Variants in HGFAC observed in about 807,000 individuals in gnomAD.
HGFAC encodes hepatocyte growth factor activator serine protease.
In HGFAC, 76 loss-of-function variants were observed where a neutral mutation model predicts 70.6. The ratio of observed to expected loss-of-function variants is 1.08; its 90% CI spans 0.89 to 1.30. The LOEUF is 1.30. Ranked by LOEUF, HGFAC falls within the 50% of genes most tolerant of loss-of-function variation. The probability of loss-of-function intolerance (pLI) is 0.00; values close to 1 mark genes in which losing one functional copy is unlikely to be tolerated. For synonymous variants in HGFAC, 464 were observed against 405.3 expected, an observed-to-expected ratio of 1.14 and a Z score of -1.74; for missense variants, 1,044 against 933.7, an observed-to-expected ratio of 1.12 and a Z score of -1.54.
At chr4:3,448,103 A>G (rs930916424) in intron 12 of HGFAC, 25 bp from the exon 13 acceptor site, 12 of 1,572,572 alleles carry the variant, frequency 7.6e-6, no homozygotes, top group Non-Finnish European at 1.0e-5. Context: ...TGTGGGTGTC[A>G]CGCTGAGGGC....
At position 3,447,902 on chromosome 4, in the gene HGFAC, C is replaced by T. The variant is rs1296842289; in HGVS notation, c.1503C>T (p.Ile501=). 1.2e-6 allele frequency: 2 copies of T among 1,611,300 alleles called. No individual in the cohort carries two copies. Among genetic ancestry groups the T allele is most frequent in the Non-Finnish European group, 1.7e-6 (2 of 1,179,290 alleles). Residue 501 remains isoleucine, a synonymous_variant, in exon 12 of 14, where the codon ATC becomes ATT. Coordinates refer to ENST00000382774, the MANE Select transcript of HGFAC (RefSeq NM_001528.4). Reference sequence around the variant, plus strand: ...GGCCACTCTTCTGATCAGTCCTGATCCGGCTGAAGAAGAAAGGGGACCGCT... The same window carrying T: ...GGCCACTCTTCTGATCAGTCCTGATTCGGCTGAAGAAGAAAGGGGACCGCT... ...FNPSDHDLVL[I]RLKKKGDRCA...
rs555043482 is a variant in HGFAC at position 3,445,314 on chromosome 4, G to A, written c.1066G>A (p.Ala356Thr). The change falls in exon 9 of 14, where the codon GCG becomes ACG. Residue 356 changes from alanine (A) to threonine (T), a missense_variant. By Grantham distance (58) the Ala-to-Thr change is moderately conservative. Transcript: ENST00000382774. ...RPWCYVVKDS[A>T]LSWEYCRLEA... ...CTGGTGCTACGTGGTGAAGGACAGC[G>A]CGCTCTCCTGGGAGTACTGCCGCCT... The A allele has an allele frequency of 9.4e-6, 15 of 1,588,346 alleles. No homozygotes were observed. Among genetic ancestry groups the A allele is most frequent in the African/African-American group, 5.4e-5 (4 of 74,398 alleles).
At chr4:3,446,348 G>A in intron 10 of HGFAC, 54 bp downstream of exon 10, 1 of 1,562,478 alleles carries the variant, frequency 6.4e-7, no homozygotes. Context: ...ACACCATCCA[G>A]CGTCACTATG....
Position 3,445,270 on chromosome 4 carries a change from C to T in HGFAC, c.1022C>T (p.Pro341Leu), listed in dbSNP as rs371330122. The change falls in exon 9 of 14, where the codon CCG becomes CTG. Residue 341 changes from proline to leucine, a missense_variant. Transcript: ENST00000382774. ...GLGPHAYCRN[P>L]DNDERPWCYV... ...CCCCCACTTATGCACCGCAGGAATC[C>T]GGACAATGACGAGAGGCCCTGGTGC... 142 of 1,576,484 alleles carry T rather than the reference C, an allele frequency of 9.0e-5. 2 individuals carry two copies. The highest frequency in any genetic ancestry group is 7.3e-4 in the East Asian group (31 of 42,316).
chr4:3,441,901 G>A (rs1387206171), upstream of HGFAC: 6 of 634,106 alleles, frequency 9.5e-6, no homozygotes, highest in Non-Finnish European at 1.5e-5. The surrounding 1 kb of genome is among the most constrained non-coding windows in gnomAD (Gnocchi z 6.0). Context: ...CGCCTGACGT[G>A]GGAGGCAGCC....
intron 6 of HGFAC, 45 bp from the exon 7 acceptor site, chr4:3,444,578 G>A (rs1269377504): frequency 1.3e-6 from 2 of 1,535,514 alleles, no homozygotes; most frequent in Non-Finnish European, 1.8e-6. Context: ...CGCTGTCGTG[G>A]GGCACTGCGC....
chr4:3,443,033 C>A lies in HGFAC; in HGVS notation c.299-17C>A. On this transcript the variant is annotated splice_polypyrimidine_tract_variant and intron_variant, in intron 2 of 13. Coordinates refer to ENST00000382774, the MANE Select transcript of HGFAC (RefSeq NM_001528.4). The stretch of plus-strand genomic sequence containing the variant: ...GCCCCTCGAGGGAGCCCTGACCCTG[C>A]CACCCCCTCCCCACAGCACTCACCG... 6.3e-7 allele frequency: 1 copy of A among 1,581,184 alleles called. No homozygotes were observed. Among genetic ancestry groups the A allele is most frequent in the Non-Finnish European group, 8.6e-7 (1 of 1,165,218 alleles).
chr4:3,444,230 G>A, intron 5 of HGFAC, 69 bp downstream of exon 5: 2 of 1,561,708 alleles, frequency 1.3e-6, no homozygotes, highest in Non-Finnish European at 1.7e-6. Flanking sequence ...TGGGAGAACA[G>A]GTGGCTCCCG....
chr4:3,443,270 C>T (rs954987380), intron 3 of HGFAC, 71 bp from the exon 4 acceptor site: 1 of 1,402,176 alleles, frequency 7.1e-7, no homozygotes. Context: ...ACCCAGAGAC[C>T]CTCCAGGGTG....
At chr4:3,444,577 G>T in intron 6 of HGFAC, 46 bp from the exon 7 acceptor site, 1 of 1,533,394 alleles carries the variant, frequency 6.5e-7, no homozygotes. Context: ...CCGCTGTCGT[G>T]GGGCACTGCG....
Position 3,444,823 on chromosome 4 carries a change from T to G in HGFAC, c.846T>G (p.Pro282=), listed in dbSNP as rs560624553. 2 of 1,592,100 alleles carry G rather than the reference T, an allele frequency of 1.3e-6. No homozygotes were observed. Among genetic ancestry groups the G allele is most frequent in the South Asian group, 2.3e-5 (2 of 88,308 alleles). The part of the protein sequence containing the change: ...GFAGRLCNIE[P]DERCFLGNGT... ...TCACTGCCCCTCTGCCCGCAGAGCC[T>G]GATGAGCGCTGCTTCTTGGGGAACG... Residue 282 remains proline (P), a synonymous_variant, in exon 8 of 14, where the codon CCT becomes CCG. Coordinates refer to ENST00000382774, the MANE Select transcript of HGFAC (RefSeq NM_001528.4).
intron 1 of HGFAC, among the ~76,000 whole-genome samples, 153 bp downstream of exon 1, chr4:3,442,271 A>G (rs1421757243): frequency 4.6e-5 from 7 of 152,170 alleles, no homozygotes; most frequent in Admixed American, 4.6e-4. Context: ...TGGCCCTCAC[A>G]GGGCAGGTGG....
chr4:3,446,754 C>T (rs1725526640), intron 10 of HGFAC, among the ~76,000 whole-genome samples: 1 of 152,186 alleles, frequency 6.6e-6, no homozygotes, highest in South Asian at 2.1e-4. Context: ...GGCCCACACT[C>T]TGGGAGGCGG....
rs150804108 is a variant in HGFAC, at chr4:3,447,734, G to T, written c.1495+103G>T. On this transcript the variant is annotated intron_variant, in intron 11 of 13. Transcript: ENST00000382774. ...GAGCTGGGCAGACATGTGGTGCGGGGGAAGCTGGGGGCAGGGCAGGGAGGA... is the reference window on the plus strand; with the variant it reads ...GAGCTGGGCAGACATGTGGTGCGGGTGAAGCTGGGGGCAGGGCAGGGAGGA... 6.6e-4 allele frequency: 1,028 copies of T among 1,553,336 alleles called. 7 individuals are homozygous for T. The African/African-American group carries it at 0.012, about 18-fold the overall frequency.
In HGFAC at chr4:3,442,000, C is replaced by A. The variant is rs756155933; in HGVS notation, c.-2C>A. ...ACTGCCCCTCAGGCCAGCTCAGGAG[C>A]CATGGGGCGCTGGGCCTGGGTCCCC... On this transcript the variant is annotated 5_prime_UTR_variant, in exon 1 of 14. Coordinates refer to ENST00000382774, the MANE Select transcript of HGFAC (RefSeq NM_001528.4). This position sits in a 1 kb window ranked among gnomAD's most constrained non-coding sequence, Gnocchi z 6.0. 6.7e-7 allele frequency: 1 copy of A among 1,484,306 alleles called. No homozygotes were observed. The allele number at this position is 1,484,306 out of a possible 1,614,324, so 91.9% of individuals were successfully genotyped here.
intron 8 of HGFAC, 28 bp downstream of exon 8, chr4:3,445,021 G>A (rs1473677589): frequency 8.5e-6 from 13 of 1,526,054 alleles, no homozygotes; most frequent in East Asian, 2.3e-5. Flanking sequence ...CCAGGCCGCC[G>A]CATGCGGGGC....
Position 3,446,159 on chromosome 4 carries a change from G to C in HGFAC, c.1220G>C (p.Arg407Pro), listed in dbSNP as rs905228669. ...RHKKRTFLRP[R>P]IIGGSSSLPG... ...AAGAAGAGGACGTTCCTGCGGCCAC[G>C]TATCATCGGCGGCTCCTCCTCGCTG... The change falls in exon 10 of 14, where the codon CGT becomes CCT. Residue 407 changes from arginine to proline, a missense_variant. Arg to Pro is a moderately radical substitution (Grantham distance 103, BLOSUM62 -2). Transcript: ENST00000382774. The C allele has an allele frequency of 1.2e-6, 2 of 1,611,428 alleles. No homozygotes were observed. The highest frequency in any genetic ancestry group is 1.7e-6 in the Non-Finnish European group (2 of 1,179,454).
At chr4:3,441,781 C>G, upstream of HGFAC, 1 of 480,848 alleles carries the variant, frequency 2.1e-6, no homozygotes, top group South Asian at 3.8e-5. The surrounding 1 kb of genome is among the most constrained non-coding windows in gnomAD (Gnocchi z 6.0). Context: ...GGACTAGGAC[C>G]AGTGCAGGCC....
Position 3,446,223 on chromosome 4 carries a change from G to C in HGFAC, c.1284G>C (p.Gly428=). ...SHPWLAAIYI[G]DSFCAGSLVH... Reference sequence around the variant, plus strand: ...CCTGGCTGGCCGCCATCTACATCGGGGACAGCTTCTGCGCCGGGAGCCTGG... The same window carrying C: ...CCTGGCTGGCCGCCATCTACATCGGCGACAGCTTCTGCGCCGGGAGCCTGG... The change falls in exon 10 of 14, where the codon GGG becomes GGC. Residue 428 remains glycine, a synonymous_variant. Coordinates refer to ENST00000382774, the MANE Select transcript of HGFAC (RefSeq NM_001528.4). The C allele has an allele frequency of 6.2e-7, 1 of 1,611,254 alleles. No individual in the cohort carries two copies. Among genetic ancestry groups the C allele is most frequent in the Non-Finnish European group, 8.5e-7 (1 of 1,179,530 alleles).
Sources: gnomAD v4.1 joint callset for allele counts (sites outside exome capture counted in the v4.1 genomes callset) on GRCh38, gnomAD v4.1.1 for gene constraint, Gnocchi (gnomAD v3.1) non-coding constraint, MANE v1.5 for transcripts, NCBI Gene and HGNC (gene_info 2026-07-23, HGNC 2026-07-21) for gene names.